The following DLGAP2 variants were observed in gnomAD, a reference collection of about 807,000 sequenced individuals.
The protein encoded by DLGAP2 is DLG associated protein 2.
In DLGAP2, 26 loss-of-function variants were observed where a neutral mutation model predicts 100.3. That is an observed-to-expected ratio of 0.26 (90% CI 0.19 to 0.36). The LOEUF (loss-of-function observed/expected upper bound fraction) is 0.36. DLGAP2 is among the 10% of genes least tolerant of loss of function. The probability of loss-of-function intolerance (pLI) is 1.00; values close to 1 mark genes in which losing one functional copy is unlikely to be tolerated. For synonymous variants in DLGAP2, 886 were observed against 630.1 expected, an observed-to-expected ratio of 1.41 and a Z score of -6.08; for missense variants, 1,858 against 1,453.2, an observed-to-expected ratio of 1.28 and a Z score of -4.53.
chr8:1,144,412 A>C (rs1796571447), intron 2 of DLGAP2, among the ~76,000 whole-genome samples: 1 of 152,238 alleles, frequency 6.6e-6, no homozygotes, highest in East Asian at 1.9e-4. Context: ...GAAGCTGTGA[A>C]GACGGTAAAG....
chr8:1,316,197 G>A (rs1800742987), intron 3 of DLGAP2, among the ~76,000 whole-genome samples: 1 of 125,978 alleles, frequency 7.9e-6, no homozygotes, highest in Non-Finnish European at 1.7e-5. Flanking sequence ...TAAAAATAGA[G>A]CCTGTACGAG....
intron 2 of DLGAP2, among the ~76,000 whole-genome samples, chr8:1,195,383 C>A (rs185238131): frequency 6.6e-6 from 1 of 152,122 alleles, no homozygotes; most frequent in Non-Finnish European, 1.5e-5. Flanking sequence ...AGGTCAGAGA[C>A]GGAGGATATA....
chr8:858,028 C>G (rs925764824), intron 1 of DLGAP2, among the ~76,000 whole-genome samples: 1 of 152,248 alleles, frequency 6.6e-6, no homozygotes, highest in Non-Finnish European at 1.5e-5. Flanking sequence ...CGCCACCATG[C>G]CCGGCTAATT....
Position 1,166,271 on chromosome 8 carries a change from C to T in DLGAP2, c.74-92580C>T, listed in dbSNP as rs546086593. Among the ~76,000 whole-genome samples, 17 of 152,310 alleles carry T rather than the reference C, an allele frequency of 1.1e-4. No homozygotes were observed. In the East Asian group the frequency reaches 2.5e-3, roughly 22 times the overall value. Reference sequence around the variant, plus strand: ...CCTGAGTCATGGCTAATGGCCCAGTCCCCGTGCAAGATGCACCACCCCGTG... The same window carrying T: ...CCTGAGTCATGGCTAATGGCCCAGTTCCCGTGCAAGATGCACCACCCCGTG... On this transcript the variant is annotated intron_variant, in intron 2 of 14. Coordinates refer to ENST00000637795, the MANE Select transcript of DLGAP2 (RefSeq NM_001346810.2).
At chr8:1,333,639 A>C (rs1367872081) in intron 3 of DLGAP2, among the ~76,000 whole-genome samples, 5 of 152,116 alleles carry the variant, frequency 3.3e-5, no homozygotes, top group Non-Finnish European at 5.9e-5. Context: ...TGAGAAAGGC[A>C]CTCGGAGGTA....
chr8:1,314,773 T>G (rs1307582674), intron 3 of DLGAP2, among the ~76,000 whole-genome samples: 1 of 152,242 alleles, frequency 6.6e-6, no homozygotes, highest in East Asian at 1.9e-4. Context: ...CTCTCTCTTT[T>G]CTGAATTTTC....
chr8:1,290,846 T>C (rs1254954888), intron 3 of DLGAP2, among the ~76,000 whole-genome samples: 1 of 152,214 alleles, frequency 6.6e-6, no homozygotes, highest in Non-Finnish European at 1.5e-5. Flanking sequence ...AGAAATGGCA[T>C]TACTTTTTGC....
At chr8:1,339,377 C>T (rs1032075939) in intron 3 of DLGAP2, among the ~76,000 whole-genome samples, 6 of 151,766 alleles carry the variant, frequency 4.0e-5, no homozygotes, top group Non-Finnish European at 7.4e-5. Flanking sequence ...TTCAGTAAGG[C>T]GTCAGGACCC....
At chr8:1,211,638 G>C (rs1798106071) in intron 2 of DLGAP2, among the ~76,000 whole-genome samples, 1 of 152,110 alleles carries the variant, frequency 6.6e-6, no homozygotes, top group Admixed American at 6.5e-5. Context: ...CACTTTGGGA[G>C]GCCAAGGTGG....
chr8:1,231,582 C>G (rs566850829), intron 2 of DLGAP2, among the ~76,000 whole-genome samples: 2 of 152,318 alleles, frequency 1.3e-5, no homozygotes, highest in East Asian at 1.9e-4. Flanking sequence ...GGAAATCAGC[C>G]TAGGCATGCA....
At chr8:1,586,669 C>G (rs1030372741) in intron 6 of DLGAP2, among the ~76,000 whole-genome samples, 1 of 152,202 alleles carries the variant, frequency 6.6e-6, no homozygotes, top group Admixed American at 6.5e-5. Context: ...TGCAGAGGTA[C>G]CACGTGCGTC....
intron 1 of DLGAP2, among the ~76,000 whole-genome samples, chr8:874,748 C>G (rs1359856153): frequency 1.3e-5 from 2 of 152,098 alleles, no homozygotes; most frequent in Non-Finnish European, 2.9e-5. Flanking sequence ...CAGTGTTGTT[C>G]AAGCCTTCTC....
In DLGAP2 at chr8:917,996, G is replaced by C. The variant is rs1798631716; in HGVS notation, c.73+10030G>C. 1.3e-5 allele frequency among the ~76,000 whole-genome samples: 2 copies of C among 152,192 alleles called. 1 individual carries two copies. The highest frequency in any genetic ancestry group is 4.1e-4 in the South Asian group (2 of 4,832). ...TAATGATTAATTTGTAGAGTGCAGA[G>C]ACAAATTATTTGGTAGGTTGCATGT... On this transcript the variant is annotated intron_variant, in intron 2 of 14. Coordinates refer to ENST00000637795, the MANE Select transcript of DLGAP2 (RefSeq NM_001346810.2).
At chr8:1,069,795 G>A (rs1803372425) in intron 2 of DLGAP2, among the ~76,000 whole-genome samples, 1 of 152,144 alleles carries the variant, frequency 6.6e-6, no homozygotes, top group Middle Eastern at 3.2e-3. Context: ...AAGATGAGGT[G>A]CAGCCACAAT....
chr8:1,310,632 C>A (rs187919396), intron 3 of DLGAP2, among the ~76,000 whole-genome samples: 2 of 152,226 alleles, frequency 1.3e-5, no homozygotes, highest in East Asian at 3.9e-4. Flanking sequence ...AGACTAAAAT[C>A]ATAAAAAGTT....
At chr8:1,589,635 A>G (rs75865980) in intron 6 of DLGAP2, among the ~76,000 whole-genome samples, 7,730 of 152,130 alleles carry the variant, frequency 0.051, 638 homozygotes, top group African/African-American at 0.17. Flanking sequence ...GTTTGTAGAG[A>G]TGGGGTTTCA....
intron 2 of DLGAP2, among the ~76,000 whole-genome samples, chr8:1,242,484 A>G (rs1798818744): frequency 6.6e-6 from 1 of 152,194 alleles, no homozygotes; most frequent in African/African-American, 2.4e-5. Context: ...GAAATGTCCC[A>G]TCCCTGGAAT....
At chr8:1,368,236 A>G (rs1802153960) in intron 3 of DLGAP2, among the ~76,000 whole-genome samples, 1 of 151,638 alleles carries the variant, frequency 6.6e-6, no homozygotes, top group African/African-American at 2.4e-5. Context: ...GTGTGTATGC[A>G]TGTATGTGTG....
At chr8:769,041 A>G (rs975187161) in intron 1 of DLGAP2, among the ~76,000 whole-genome samples, 14 of 152,038 alleles carry the variant, frequency 9.2e-5, no homozygotes, top group African/African-American at 3.4e-4. Context: ...TTCGAGTATT[A>G]GGTGAGACAG....
Sources: allele counts gnomAD v4.1 joint callset (sites outside exome capture counted in the v4.1 genomes callset), GRCh38; gene constraint gnomAD v4.1.1; transcripts MANE v1.5; gene names NCBI Gene and HGNC (gene_info 2026-07-23, HGNC 2026-07-21).